SRGAP1: variants seen among roughly 807,000 people sequenced by gnomAD.
The protein encoded by SRGAP1 is SLIT-ROBO Rho GTPase activating protein 1, also known as SLIT-ROBO Rho GTPase-activating protein 1.
SRGAP1 carries 43 observed loss-of-function variants against 121.9 expected under a neutral mutation model. That is an observed-to-expected ratio of 0.35 (90% CI 0.28 to 0.46). The LOEUF (loss-of-function observed/expected upper bound fraction) is 0.46. Among genes scored for constraint, SRGAP1 ranks in the 20% least tolerant of loss-of-function variants. SRGAP1 has a pLI of 1.00. For synonymous variants in SRGAP1, 447 were observed against 485.4 expected (o/e 0.92, Z 1.04); for missense variants, 1,102 against 1,350.9 (o/e 0.82, Z 2.89).
intron 1 of SRGAP1, among the ~76,000 whole-genome samples, chr12:63,906,279 C>CT (rs970178554): frequency 1.2e-4 from 18 of 151,642 alleles, no homozygotes; most frequent in East Asian, 3.9e-4. Flanking sequence ...TGTATAAGTC[C>CT]TTTTTTTTAA....
intron 1 of SRGAP1, among the ~76,000 whole-genome samples, chr12:63,901,725 G>A (rs2029943320): frequency 6.6e-6 from 1 of 152,186 alleles, no homozygotes; most frequent in Non-Finnish European, 1.5e-5. Flanking sequence ...TTTTGAGGAA[G>A]AAAGCTAGAC....
In SRGAP1 at chr12:64,156,982, G is replaced by C. The variant is rs554791995; in HGVS notation, c.*14310G>C. On this transcript the variant is annotated 3_prime_UTR_variant, in exon 22 of 22. Coordinates refer to ENST00000355086, the MANE Select transcript of SRGAP1 (RefSeq NM_020762.4). ...CTGCACTGCTCATGCTTTGGGACCA[G>C]AAAGCGGATGGTTTGATATGGTAGC... 6 of 152,228 alleles carry C rather than the reference G, an allele frequency of 3.9e-5. No homozygotes were observed. The highest frequency in any genetic ancestry group is 1.4e-4 in the African/African-American group (6 of 41,506). The allele number at this position is 152,228 out of a possible 1,614,324, so 9.4% of individuals were successfully genotyped here.
intron 6 of SRGAP1, 146 bp downstream of exon 6, chr12:64,043,721 C>T (rs1195057823): frequency 1.2e-5 from 7 of 582,506 alleles, no homozygotes; most frequent in East Asian, 1.0e-4. Context: ...TTAAATTATC[C>T]GTAATATGAA....
intron 1 of SRGAP1, among the ~76,000 whole-genome samples, chr12:63,923,394 A>G (rs1027262402): frequency 6.6e-6 from 1 of 152,212 alleles, no homozygotes; most frequent in Non-Finnish European, 1.5e-5. Context: ...ATACATTAAT[A>G]TGTTACTTTG....
intron 19 of SRGAP1, among the ~76,000 whole-genome samples, chr12:64,126,653 G>T (rs1408779824): frequency 6.6e-6 from 1 of 152,124 alleles, no homozygotes; most frequent in East Asian, 1.9e-4. Flanking sequence ...AAAGAAACAG[G>T]TTGCAAAATA....
intron 3 of SRGAP1, among the ~76,000 whole-genome samples, chr12:64,009,661 G>A (rs1040677330): frequency 4.6e-5 from 7 of 152,112 alleles, no homozygotes; most frequent in African/African-American, 1.7e-4. Flanking sequence ...TTATGGTTAA[G>A]TTTTGTCTTG....
At chr12:64,136,139 CT>C (rs1393543068) in intron 21 of SRGAP1, among the ~76,000 whole-genome samples, 1 of 152,198 alleles carries the variant, frequency 6.6e-6, no homozygotes, top group African/African-American at 2.4e-5. Context: ...TGTTAATGTC[CT>C]TTGGCAACAC....
At chr12:63,968,356 C>T (rs1032565812) in intron 1 of SRGAP1, among the ~76,000 whole-genome samples, 1 of 151,940 alleles carries the variant, frequency 6.6e-6, no homozygotes, top group African/African-American at 2.4e-5. Context: ...AGATTTTTAC[C>T]CAAAAATCCA....
intron 6 of SRGAP1, among the ~76,000 whole-genome samples, chr12:64,055,821 CT>C (rs1199816121): frequency 6.6e-6 from 1 of 152,084 alleles, no homozygotes. Flanking sequence ...TTTGGCTGGA[CT>C]TCTGAATGTT....
chr12:63,994,595 A>T (rs1251627815), intron 3 of SRGAP1, among the ~76,000 whole-genome samples: 2 of 152,194 alleles, frequency 1.3e-5, no homozygotes, highest in Non-Finnish European at 2.9e-5. Flanking sequence ...TGATTTCTTC[A>T]TTCAACAAAA....
chr12:63,968,739 A>G (rs1424272139), intron 1 of SRGAP1, among the ~76,000 whole-genome samples: 2 of 152,220 alleles, frequency 1.3e-5, no homozygotes, highest in African/African-American at 4.8e-5. Flanking sequence ...CTCTGTAACC[A>G]GAGGGAAGAA....
At chr12:63,900,866 A>G (rs2029894299) in intron 1 of SRGAP1, among the ~76,000 whole-genome samples, 1 of 152,212 alleles carries the variant, frequency 6.6e-6, no homozygotes, top group African/African-American at 2.4e-5. Context: ...TATCAAACCT[A>G]AGTAAAAAAA....
At chr12:63,982,573 A>G (rs1306728639) in intron 1 of SRGAP1, 1 of 152,194 alleles carries the variant, frequency 6.6e-6, no homozygotes, top group Admixed American at 6.5e-5. Flanking sequence ...ATGTATGTAT[A>G]TATTATCAGT....
chr12:64,157,615 C>T lies in SRGAP1; in HGVS notation c.*14943C>T, dbSNP rs577324662. ...AAAAATGATCAGGATTCAATAAATTCTGGATAGAAAAAAGAATAAAATGTC... is the reference window on the plus strand; with the variant it reads ...AAAAATGATCAGGATTCAATAAATTTTGGATAGAAAAAAGAATAAAATGTC... On this transcript the variant is annotated 3_prime_UTR_variant, in exon 22 of 22. Coordinates refer to ENST00000355086, the MANE Select transcript of SRGAP1 (RefSeq NM_020762.4). The T allele has an allele frequency of 2.0e-5, 3 of 151,998 alleles. No homozygotes were observed. The East Asian group carries it at 5.8e-4, about 29-fold the overall frequency. 9.4% of individuals were successfully genotyped at this position (151,998 alleles called of 1,614,324 possible). A position where few individuals can be genotyped will look rare whatever the true frequency, so the allele number is the denominator to read the frequency against.
At chr12:63,944,367 G>A (rs1190794771) in intron 1 of SRGAP1, among the ~76,000 whole-genome samples, 15 of 152,158 alleles carry the variant, frequency 9.9e-5, no homozygotes, top group Admixed American at 5.9e-4. Context: ...CAGATTCAAT[G>A]TCTACTAAGG....
intron 1 of SRGAP1, among the ~76,000 whole-genome samples, chr12:63,956,074 T>C (rs2136372738): frequency 6.6e-6 from 1 of 152,296 alleles, no homozygotes; most frequent in South Asian, 2.1e-4. Flanking sequence ...TGATTTCTTT[T>C]TTTTGAGACA....
At chr12:64,108,564 C>T (rs945901356) in intron 15 of SRGAP1, among the ~76,000 whole-genome samples, 2 of 152,178 alleles carry the variant, frequency 1.3e-5, no homozygotes, top group South Asian at 2.1e-4. Context: ...CATAACAGTT[C>T]GGGGAGAGGT....
At chr12:64,109,092 C>T (rs1592329608) in intron 16 of SRGAP1, 55 bp downstream of exon 16, 4 of 1,216,872 alleles carry the variant, frequency 3.3e-6, no homozygotes, top group East Asian at 5.1e-5. Flanking sequence ...CTTTGTTCTT[C>T]GATCCTGTAA....
chr12:63,929,475 T>C (rs1285357774), intron 1 of SRGAP1, among the ~76,000 whole-genome samples: 1 of 152,144 alleles, frequency 6.6e-6, no homozygotes, highest in African/African-American at 2.4e-5. Context: ...CCTGGGGAGA[T>C]TTTATAAAAC....
Sources: gnomAD v4.1 joint callset for allele counts (sites outside exome capture counted in the v4.1 genomes callset) on GRCh38, gnomAD v4.1.1 for gene constraint, MANE v1.5 for transcripts, NCBI Gene and HGNC (gene_info 2026-07-23, HGNC 2026-07-21) for gene names.